Variants in ADGRB3 observed in about 807,000 individuals in gnomAD.
ADGRB3 encodes brain-specific angiogenesis inhibitor 3.
ADGRB3 carries 37 observed loss-of-function variants against 193.4 expected under a neutral mutation model. The ratio of observed to expected loss-of-function variants is 0.19; its 90% CI spans 0.15 to 0.25. ADGRB3 has a LOEUF of 0.25. Among genes scored for constraint, ADGRB3 ranks in the 10% least tolerant of loss-of-function variants. The probability of loss-of-function intolerance (pLI) is 1.00; values close to 1 mark genes in which losing one functional copy is unlikely to be tolerated. For missense variants in ADGRB3, 1,637 were observed against 1,852.9 expected, an observed-to-expected ratio of 0.88 and a Z score of 2.14; for synonymous variants, 690 against 644.2, an observed-to-expected ratio of 1.07 and a Z score of -1.08.
At position 69,087,449 on chromosome 6, in the gene ADGRB3, A is replaced by G. The variant is rs1183177332; in HGVS notation, c.2480+11411A>G. ...AGTGTTATGAGGGAGGGGGACATCT[A>G]AGAGGTGATGAGCTCATGGTATTTT... On this transcript the variant is annotated intron_variant, in intron 17 of 31. Transcript: ENST00000370598. Among the ~76,000 whole-genome samples the G allele has an allele frequency of 2.6e-5, 4 of 152,232 alleles. No individual in the cohort carries two copies. In the East Asian group the frequency reaches 7.7e-4, roughly 29 times the overall value.
At chr6:69,266,161 G>T (rs1288130402) in intron 20 of ADGRB3, among the ~76,000 whole-genome samples, 1 of 151,836 alleles carries the variant, frequency 6.6e-6, no homozygotes, top group African/African-American at 2.4e-5. Flanking sequence ...AGAAAAATAT[G>T]GTTCACAGCC....
chr6:69,015,525 G>A (rs762805220), intron 12 of ADGRB3, among the ~76,000 whole-genome samples: 16 of 152,122 alleles, frequency 1.1e-4, no homozygotes, highest in Non-Finnish European at 2.1e-4. Flanking sequence ...GCCGTGTGGT[G>A]AATGGGTCTC....
At chr6:68,766,052 T>A (rs1766503531) in intron 3 of ADGRB3, among the ~76,000 whole-genome samples, 1 of 152,022 alleles carries the variant, frequency 6.6e-6, no homozygotes, top group Non-Finnish European at 1.5e-5. Context: ...CATGCGTGGA[T>A]GTATTTAATT....
At chr6:68,883,138 A>G (rs571294845) in intron 3 of ADGRB3, among the ~76,000 whole-genome samples, 2 of 152,212 alleles carry the variant, frequency 1.3e-5, no homozygotes, top group East Asian at 3.9e-4. Context: ...TAAATACACC[A>G]ATCAGCACCC....
rs148791036 is a variant in ADGRB3, at chr6:69,117,411, T to A, written c.2480+41373T>A. On this transcript the variant is annotated intron_variant, in intron 17 of 31. Coordinates refer to ENST00000370598, the MANE Select transcript of ADGRB3 (RefSeq NM_001704.3). ...CCACTAGAACACAGATTTCTGAGATTTTTGTGGCTCTCAGGCTATCAGGCA... is the reference window on the plus strand; with the variant it reads ...CCACTAGAACACAGATTTCTGAGATATTTGTGGCTCTCAGGCTATCAGGCA... 2.2e-4 allele frequency among the ~76,000 whole-genome samples: 33 copies of A among 152,308 alleles called. No homozygotes were observed. In the East Asian group the frequency reaches 5.8e-3, roughly 27 times the overall value.
At chr6:69,019,055 C>T (rs990848316) in intron 13 of ADGRB3, among the ~76,000 whole-genome samples, 7 of 151,952 alleles carry the variant, frequency 4.6e-5, no homozygotes, top group African/African-American at 1.7e-4. Flanking sequence ...CAGTGGATCT[C>T]TCAGGTCCCT....
At chr6:68,855,899 C>G (rs951147218) in intron 3 of ADGRB3, among the ~76,000 whole-genome samples, 1 of 152,146 alleles carries the variant, frequency 6.6e-6, no homozygotes, top group Admixed American at 6.5e-5. Flanking sequence ...TGGTTTGGCT[C>G]TGTGACCCCA....
At chr6:69,319,111 C>T (rs544005139) in intron 20 of ADGRB3, among the ~76,000 whole-genome samples, 1 of 151,100 alleles carries the variant, frequency 6.6e-6, no homozygotes, top group South Asian at 2.1e-4. Context: ...TCATCTTTCT[C>T]TTGTTTTCTA....
chr6:69,233,523 G>C lies in ADGRB3; in HGVS notation c.2607+107G>C, dbSNP rs1766196925. ...AATGGGGAAATGGAAAATGTTGCAGGGTACAAAATTGGGTTCGTCTCCTCC... is the reference window on the plus strand; with the variant it reads ...AATGGGGAAATGGAAAATGTTGCAGCGTACAAAATTGGGTTCGTCTCCTCC... On this transcript the variant is annotated intron_variant, in intron 18 of 31. Transcript: ENST00000370598. The C allele has an allele frequency of 7.1e-6, 10 of 1,405,772 alleles. No individual in the cohort carries two copies. In the South Asian group the frequency reaches 1.3e-4, roughly 18 times the overall value. 87.1% of individuals were successfully genotyped at this position (1,405,772 alleles called of 1,614,324 possible).
intron 17 of ADGRB3, among the ~76,000 whole-genome samples, chr6:69,076,664 T>C (rs1772241971): frequency 1.3e-5 from 2 of 152,068 alleles, no homozygotes; most frequent in Non-Finnish European, 2.9e-5. Flanking sequence ...TCCTGAGATT[T>C]TGATGTCTCA....
At chr6:69,179,720 T>C (rs1243317989) in intron 17 of ADGRB3, among the ~76,000 whole-genome samples, 1 of 152,212 alleles carries the variant, frequency 6.6e-6, no homozygotes, top group Non-Finnish European at 1.5e-5. Flanking sequence ...CTGTAGAGAA[T>C]GCTGGGTAAG....
At chr6:68,852,198 C>A (rs1447935862) in intron 3 of ADGRB3, among the ~76,000 whole-genome samples, 1 of 151,730 alleles carries the variant, frequency 6.6e-6, no homozygotes, top group Non-Finnish European at 1.5e-5. Context: ...ACGTTTTAAT[C>A]ATGAGTGTCC....
intron 3 of ADGRB3, among the ~76,000 whole-genome samples, chr6:68,712,086 C>T (rs1445235245): frequency 6.6e-6 from 1 of 151,822 alleles, no homozygotes; most frequent in Non-Finnish European, 1.5e-5. Flanking sequence ...AATTAAATCT[C>T]CAAAAATAAT....
intron 19 of ADGRB3, among the ~76,000 whole-genome samples, chr6:69,236,092 C>T (rs1422734607): frequency 2.0e-5 from 3 of 151,830 alleles, no homozygotes; most frequent in Admixed American, 6.6e-5. Context: ...AGATAAAAAA[C>T]ATTCAGTTGA....
intron 3 of ADGRB3, among the ~76,000 whole-genome samples, chr6:68,770,935 AAGTT>A (rs983032078): frequency 2.6e-5 from 4 of 152,100 alleles, no homozygotes; most frequent in Non-Finnish European, 5.9e-5. Flanking sequence ...TAGGCACTAA[AAGTT>A]AGTATCTCTG....
At chr6:68,762,424 A>G (rs1250959572) in intron 3 of ADGRB3, among the ~76,000 whole-genome samples, 1 of 152,144 alleles carries the variant, frequency 6.6e-6, no homozygotes, top group African/African-American at 2.4e-5. Flanking sequence ...CACAGTAATT[A>G]AATTAGCAAT....
At chr6:68,773,055 G>T (rs954053276) in intron 3 of ADGRB3, among the ~76,000 whole-genome samples, 1 of 151,362 alleles carries the variant, frequency 6.6e-6, no homozygotes, top group African/African-American at 2.4e-5. Context: ...GGTCGAGGCT[G>T]CAGTGAGCTA....
intron 3 of ADGRB3, among the ~76,000 whole-genome samples, chr6:68,673,689 A>C (rs1295652592): frequency 6.6e-6 from 1 of 152,142 alleles, no homozygotes; most frequent in Non-Finnish European, 1.5e-5. Flanking sequence ...AGAGATGATA[A>C]AACAATTTCC....
chr6:68,762,818 A>G (rs1028080554), intron 3 of ADGRB3, among the ~76,000 whole-genome samples: 9 of 152,110 alleles, frequency 5.9e-5, no homozygotes, highest in Non-Finnish European at 1.3e-4. Context: ...CATTCTCTCA[A>G]AAAACCTGCT....
Sources: allele counts gnomAD v4.1 joint callset (sites outside exome capture counted in the v4.1 genomes callset), GRCh38; gene constraint gnomAD v4.1.1; transcripts MANE v1.5; gene names NCBI Gene and HGNC (gene_info 2026-07-23, HGNC 2026-07-21).